Variants in PTPRN2 observed in about 807,000 individuals in gnomAD.
PTPRN2 encodes protein tyrosine phosphatase receptor type N2.
Under a neutral mutation model 118.8 loss-of-function variants are expected in PTPRN2, and 74 were observed. The observed-to-expected ratio is 0.62, with a 90% CI of 0.52 to 0.76. PTPRN2 has a LOEUF of 0.76. PTPRN2 is among the 30% of genes least tolerant of loss of function. The pLI, the probability that PTPRN2 is intolerant of heterozygous loss-of-function variation, is 0.00. For synonymous variants in PTPRN2, 641 were observed against 608.0 expected (o/e 1.05, Z -0.80); for missense variants, 1,481 against 1,394.4 (o/e 1.06, Z -0.99).
intron 15 of PTPRN2, among the ~76,000 whole-genome samples, chr7:157,620,357 C>T (rs1667815345): frequency 6.6e-6 from 1 of 152,196 alleles, no homozygotes; most frequent in Admixed American, 6.5e-5. Context: ...GGTGTCTCTT[C>T]CAGTCCACGA....
intron 11 of PTPRN2, among the ~76,000 whole-genome samples, chr7:157,934,548 T>C (rs961991584): frequency 1.1e-4 from 16 of 151,958 alleles, no homozygotes; most frequent in Non-Finnish European, 2.1e-4. Flanking sequence ...CCCACTATAG[T>C]ATAGAACACT....
chr7:157,993,167 A>G (rs1488406556), intron 11 of PTPRN2, among the ~76,000 whole-genome samples: 2 of 152,166 alleles, frequency 1.3e-5, no homozygotes, highest in African/African-American at 2.4e-5. Context: ...CCCACAACAT[A>G]TTATGGGCGG....
intron 3 of PTPRN2, 130 bp downstream of exon 3, chr7:158,316,689 C>T (rs1281378361): frequency 7.3e-6 from 5 of 684,862 alleles, no homozygotes; most frequent in Non-Finnish European, 1.2e-5. Flanking sequence ...GCCCGGCTCC[C>T]ACCTGCCCCT....
chr7:158,096,049 C>G (rs574401670), intron 10 of PTPRN2, among the ~76,000 whole-genome samples: 4 of 152,298 alleles, frequency 2.6e-5, no homozygotes, highest in South Asian at 2.1e-4. Context: ...TTCTTCTTGC[C>G]AATCTGAATC....
chr7:158,208,368 G>C (rs1827325624), intron 3 of PTPRN2, among the ~76,000 whole-genome samples: 6 of 151,978 alleles, frequency 3.9e-5, no homozygotes, highest in Admixed American at 3.9e-4. Context: ...AACTCCCAAA[G>C]GTCAGGAATG....
Position 157,603,597 on chromosome 7 carries a change from C to T in PTPRN2, c.2418+405G>A, listed in dbSNP as rs1801815015. On this transcript the variant is annotated intron_variant, in intron 16 of 22. Coordinates refer to ENST00000389418, the MANE Select transcript of PTPRN2 (RefSeq NM_002847.5). This position sits in a 1 kb window ranked among gnomAD's most constrained non-coding sequence, Gnocchi z 5.4. ...CTGAAATTCTGGACCTGCCTCCAAGCCACTGATTGTTACAAAAAGCGTAGA... is the reference window on the plus strand; with the variant it reads ...CTGAAATTCTGGACCTGCCTCCAAGTCACTGATTGTTACAAAAAGCGTAGA... Among the ~76,000 whole-genome samples the T allele has an allele frequency of 6.6e-6, 1 of 152,210 alleles. No homozygotes were observed. The highest frequency in any genetic ancestry group is 1.5e-5 in the Non-Finnish European group (1 of 68,042).
At chr7:157,641,761 T>C (rs1163698331) in intron 14 of PTPRN2, among the ~76,000 whole-genome samples, 6 of 152,198 alleles carry the variant, frequency 3.9e-5, no homozygotes. Flanking sequence ...TGCTCCCACC[T>C]TCTGCAAACG....
intron 2 of PTPRN2, among the ~76,000 whole-genome samples, chr7:158,462,507 C>T (rs114311153): frequency 6.6e-6 from 1 of 152,148 alleles, no homozygotes; most frequent in Non-Finnish European, 1.5e-5. Flanking sequence ...TAAGGGGTGC[C>T]TGGTCCTGTC....
intron 21 of PTPRN2, among the ~76,000 whole-genome samples, chr7:157,549,849 C>T (rs779137920): frequency 3.3e-5 from 5 of 152,180 alleles, no homozygotes; most frequent in Non-Finnish European, 5.9e-5. Flanking sequence ...AGCTCCGAAG[C>T]GGGTCAGAAT....
chr7:157,607,416 A>G (rs985663841), intron 15 of PTPRN2, among the ~76,000 whole-genome samples: 2 of 152,262 alleles, frequency 1.3e-5, no homozygotes, highest in African/African-American at 4.8e-5. Flanking sequence ...TTTTCAGCAC[A>G]GCCACCTTTA....
intron 12 of PTPRN2, among the ~76,000 whole-genome samples, chr7:157,810,997 C>T (rs1014573812): frequency 7.2e-5 from 11 of 152,104 alleles, no homozygotes; most frequent in South Asian, 4.2e-4. Context: ...TGGGGCGGGG[C>T]GCTGTGGCTC....
At chr7:158,034,434 G>A (rs1338361663) in intron 11 of PTPRN2, among the ~76,000 whole-genome samples, 1 of 152,234 alleles carries the variant, frequency 6.6e-6, no homozygotes, top group Non-Finnish European at 1.5e-5. Flanking sequence ...CTGTTCGTGT[G>A]ATAGTGAATA....
intron 2 of PTPRN2, among the ~76,000 whole-genome samples, chr7:158,475,176 C>T (rs982506020): frequency 4.6e-5 from 6 of 131,384 alleles, no homozygotes; most frequent in Non-Finnish European, 8.3e-5. Context: ...CGAAAAGCAA[C>T]AAGCTCCCAG....
At chr7:158,560,932 T>A (rs1827341438) in intron 1 of PTPRN2, among the ~76,000 whole-genome samples, 1 of 152,258 alleles carries the variant, frequency 6.6e-6, no homozygotes, top group Non-Finnish European at 1.5e-5. Flanking sequence ...TTCCTTCACG[T>A]GTGACTGGGC....
At chr7:158,481,969 A>G (rs2129444945) in intron 2 of PTPRN2, among the ~76,000 whole-genome samples, 1 of 152,340 alleles carries the variant, frequency 6.6e-6, no homozygotes, top group South Asian at 2.1e-4. Flanking sequence ...ACCCTCATGC[A>G]TGACTTTCAG....
intron 3 of PTPRN2, among the ~76,000 whole-genome samples, chr7:158,231,481 T>C (rs1221214592): frequency 6.6e-6 from 1 of 152,116 alleles, no homozygotes; most frequent in Non-Finnish European, 1.5e-5. Flanking sequence ...AAAACAGACA[T>C]TAATAGATCC....
chr7:158,141,335 AC>A (rs1819368755), intron 6 of PTPRN2, among the ~76,000 whole-genome samples: 1 of 151,920 alleles, frequency 6.6e-6, no homozygotes, highest in Non-Finnish European at 1.5e-5. Context: ...TGCCTGTGGC[AC>A]CCCCGTTCAC....
chr7:158,584,313 C>T (rs1799751736), intron 1 of PTPRN2, among the ~76,000 whole-genome samples: 1 of 152,104 alleles, frequency 6.6e-6, no homozygotes, highest in Admixed American at 6.5e-5. Context: ...GCGTAAAGCC[C>T]TTAACAAAGG....
Position 157,591,808 on chromosome 7 carries a change from C to T in PTPRN2, c.2496+3430G>A, listed in dbSNP as rs867751420. On this transcript the variant is annotated intron_variant, in intron 17 of 22. Transcript: ENST00000389418. The surrounding 1 kb of genome is among the most constrained non-coding windows in gnomAD (Gnocchi z 4.4). ...CCTGCTCTGTGTGGATTTATGGCATCGATGGTGGGCAGCTCCTGTGTTCTG... is the reference window on the plus strand; with the variant it reads ...CCTGCTCTGTGTGGATTTATGGCATTGATGGTGGGCAGCTCCTGTGTTCTG... Among the ~76,000 whole-genome samples, 34 of 152,286 alleles carry T rather than the reference C, an allele frequency of 2.2e-4. No homozygotes were observed. The highest frequency in any genetic ancestry group is 7.9e-4 in the African/African-American group (33 of 41,556).
Sources: gnomAD v4.1 joint callset for allele counts (sites outside exome capture counted in the v4.1 genomes callset) on GRCh38, gnomAD v4.1.1 for gene constraint, Gnocchi (gnomAD v3.1) non-coding constraint, MANE v1.5 for transcripts, NCBI Gene and HGNC (gene_info 2026-07-23, HGNC 2026-07-21) for gene names.